Variants in CACNA1B observed in about 807,000 individuals in gnomAD.
CACNA1B encodes voltage-dependent N-type calcium channel subunit alpha-1B.
In CACNA1B, 70 loss-of-function variants were observed where a neutral mutation model predicts 247.2. The observed-to-expected ratio is 0.28, with a 90% CI of 0.23 to 0.35. The LOEUF (loss-of-function observed/expected upper bound fraction) is 0.35, where lower values mean the gene tolerates loss of function less well. Among genes scored for constraint, CACNA1B ranks in the 10% least tolerant of loss-of-function variants. The probability of loss-of-function intolerance (pLI) is 1.00; values close to 1 mark genes in which losing one functional copy is unlikely to be tolerated. For synonymous variants in CACNA1B, 1,231 were observed against 1,294.4 expected (o/e 0.95, Z 1.05); for missense variants, 2,367 against 3,197.4 (o/e 0.74, Z 6.26).
chr9:137,998,339 G>A (rs111490209), intron 15 of CACNA1B, among the ~76,000 whole-genome samples: 7 of 152,186 alleles, frequency 4.6e-5, no homozygotes, highest in African/African-American at 1.4e-4. Context: ...GGCCGGGCAC[G>A]GTGGCTCATG....
In CACNA1B at chr9:137,919,226, A is replaced by C. The variant is rs1408947253; in HGVS notation, c.966+1795A>C. Among the ~76,000 whole-genome samples the C allele has an allele frequency of 2.6e-5, 4 of 152,252 alleles. No individual in the cohort carries two copies. Among genetic ancestry groups the C allele is most frequent in the African/African-American group, 9.6e-5 (4 of 41,476 alleles). On this transcript the variant is annotated intron_variant, in intron 6 of 46. Coordinates refer to ENST00000371372, the MANE Select transcript of CACNA1B (RefSeq NM_000718.4). The surrounding 1 kb of genome is among the most constrained non-coding windows in gnomAD (Gnocchi z 4.6). ...GCCAGCATGTGTTTCAGTAGGACCC[A>C]GTGAGTGCTGGCTCCGCTTACACAG...
chr9:138,108,646 A>G (rs1414293589), intron 39 of CACNA1B, among the ~76,000 whole-genome samples: 2 of 151,570 alleles, frequency 1.3e-5, no homozygotes, highest in East Asian at 3.9e-4. Flanking sequence ...TCTTTAAGCA[A>G]ACTGAATTTT....
intron 15 of CACNA1B, among the ~76,000 whole-genome samples, chr9:137,993,424 A>G (rs1030877673): frequency 1.3e-5 from 2 of 152,194 alleles, no homozygotes; most frequent in African/African-American, 4.8e-5. Flanking sequence ...ATCTAGATAG[A>G]TAAAATTGAT....
chr9:138,102,683 C>T lies in CACNA1B; in HGVS notation c.5223-28C>T, dbSNP rs567770723. 5 of 1,494,900 alleles carry T rather than the reference C, an allele frequency of 3.3e-6. No individual in the cohort carries two copies. In the East Asian group the frequency reaches 9.1e-5, roughly 27 times the overall value. The allele number at this position is 1,494,900 out of a possible 1,614,324, so 92.6% of individuals were successfully genotyped here. Reference sequence around the variant, plus strand: ...TCCTCCTGTGGACCACCCCACTGTGCCCTGGCCTCGCTGGGACGGGTTTCC... The same window carrying T: ...TCCTCCTGTGGACCACCCCACTGTGTCCTGGCCTCGCTGGGACGGGTTTCC... On this transcript the variant is annotated intron_variant, in intron 37 of 46. Coordinates refer to ENST00000371372, the MANE Select transcript of CACNA1B (RefSeq NM_000718.4). The surrounding 1 kb of genome is among the most constrained non-coding windows in gnomAD (Gnocchi z 5.4).
At chr9:137,890,632 A>G (rs1957084962) in intron 3 of CACNA1B, 1 of 150,422 alleles carries the variant, frequency 6.6e-6, no homozygotes, top group Non-Finnish European at 1.5e-5. Flanking sequence ...GGCTCCAGGG[A>G]TGGGCGGTTC....
Position 138,073,657 on chromosome 9 carries a change from T to G in CACNA1B, c.4791+53T>G. 3 of 1,051,572 alleles carry G rather than the reference T, an allele frequency of 2.9e-6. No individual in the cohort carries two copies. Among genetic ancestry groups the G allele is most frequent in the Non-Finnish European group, 4.5e-6 (3 of 669,730 alleles). The allele number at this position is 1,051,572 out of a possible 1,614,324, so 65.1% of individuals were successfully genotyped here. On this transcript the variant is annotated intron_variant, in intron 33 of 46. Transcript: ENST00000371372. This position sits in a 1 kb window ranked among gnomAD's most constrained non-coding sequence, Gnocchi z 6.4. ...TTCTGTCCCCTTCCTCCGTCTTGCT[T>G]CCCCTGCCCCCACCACAGTGGCCCC...
intron 11 of CACNA1B, among the ~76,000 whole-genome samples, chr9:137,972,193 C>G (rs552482098): frequency 1.5e-4 from 22 of 148,366 alleles, no homozygotes; most frequent in African/African-American, 5.0e-4. Flanking sequence ...CCCCTCCAGG[C>G]CTGGTCTGTC....
intron 15 of CACNA1B, among the ~76,000 whole-genome samples, chr9:137,994,346 G>C (rs975711983): frequency 1.3e-5 from 2 of 152,184 alleles, no homozygotes; most frequent in African/African-American, 4.8e-5. Flanking sequence ...GTCCTAACCA[G>C]AGCAATCAGA....
intron 10 of CACNA1B, among the ~76,000 whole-genome samples, chr9:137,960,442 GAGGGGAGGT>G (rs1958006080): frequency 2.8e-5 from 1 of 36,296 alleles, no homozygotes; most frequent in Admixed American, 2.5e-4. Flanking sequence ...GACGGAGGGG[GAGGGGAGGT>G]CGGCCTGAAT....
chr9:137,914,824 C>T lies in CACNA1B; in HGVS notation c.775+18C>T. 1.9e-6 allele frequency: 3 copies of T among 1,613,250 alleles called. No individual in the cohort carries two copies. The highest frequency in any genetic ancestry group is 1.1e-5 in the South Asian group (1 of 90,920). The stretch of plus-strand genomic sequence containing the variant: ...CAGCACAGGTGAGGCCAGGCAGCAC[C>T]CTCCAGCACAGGCAAGTGCCACGGA... On this transcript the variant is annotated intron_variant, in intron 5 of 46. Coordinates refer to ENST00000371372, the MANE Select transcript of CACNA1B (RefSeq NM_000718.4). This position sits in a 1 kb window ranked among gnomAD's most constrained non-coding sequence, Gnocchi z 4.3.
At chr9:138,070,417 G>A (rs575786250) in intron 32 of CACNA1B, among the ~76,000 whole-genome samples, 2 of 152,350 alleles carry the variant, frequency 1.3e-5, no homozygotes, top group East Asian at 3.9e-4. Context: ...TCCCCCATTC[G>A]CATGTCACTG....
At chr9:137,987,118 G>A (rs1958373655) in intron 15 of CACNA1B, among the ~76,000 whole-genome samples, 1 of 150,692 alleles carries the variant, frequency 6.6e-6, no homozygotes, top group Non-Finnish European at 1.5e-5. Context: ...TTCCCGGGGG[G>A]CCCAGCTGGC....
rs1314289011 is a variant in CACNA1B at position 138,102,333 on chromosome 9, C to T, written c.5223-378C>T. Among the ~76,000 whole-genome samples, 3 of 152,166 alleles carry T rather than the reference C, an allele frequency of 2.0e-5. 1 individual carries two copies. In the South Asian group the frequency reaches 6.2e-4, roughly 32 times the overall value. On this transcript the variant is annotated intron_variant, in intron 37 of 46. Coordinates refer to ENST00000371372, the MANE Select transcript of CACNA1B (RefSeq NM_000718.4). The surrounding 1 kb of genome is among the most constrained non-coding windows in gnomAD (Gnocchi z 5.4). ...TCTGGCAGGGTGGACCAGCTCTTTT[C>T]TGATTGGCATTCACTGTGATTTTTA...
intron 35 of CACNA1B, 46 bp from the exon 36 acceptor site, chr9:138,078,068 C>T (rs1280828178): frequency 6.3e-7 from 1 of 1,592,164 alleles, no homozygotes; most frequent in African/African-American, 1.3e-5. Context: ...GGCTCGGGCT[C>T]CCTCAAGGGC....
Position 138,073,093 on chromosome 9 carries a change from C to T in CACNA1B, c.4675-395C>T, listed in dbSNP as rs1650964577. Among the ~76,000 whole-genome samples the T allele has an allele frequency of 6.6e-6, 1 of 152,194 alleles. No homozygotes were observed. Among genetic ancestry groups the T allele is most frequent in the Non-Finnish European group, 1.5e-5 (1 of 68,040 alleles). ...TGCTGGGTGGAGAAGCAGTCATGCC[C>T]AGCACGTGGCCAGCTTGACCGTGTC... On this transcript the variant is annotated intron_variant, in intron 32 of 46. Coordinates refer to ENST00000371372, the MANE Select transcript of CACNA1B (RefSeq NM_000718.4). The surrounding 1 kb of genome is among the most constrained non-coding windows in gnomAD (Gnocchi z 6.4).
chr9:138,063,638 G>C (rs1459898668), intron 31 of CACNA1B, among the ~76,000 whole-genome samples: 1 of 152,224 alleles, frequency 6.6e-6, no homozygotes, highest in Non-Finnish European at 1.5e-5. Flanking sequence ...TGCTCACCAG[G>C]TTGGCACCTG....
intron 6 of CACNA1B, among the ~76,000 whole-genome samples, chr9:137,925,945 G>A (rs1957545011): frequency 6.7e-6 from 1 of 149,298 alleles, no homozygotes; most frequent in Non-Finnish European, 1.5e-5. Context: ...TAGTAGAGAC[G>A]GGATTTCGCC....
chr9:138,084,844 C>T lies in CACNA1B; in HGVS notation c.5094+6586C>T, dbSNP rs552664479. 1.4e-3 allele frequency among the ~76,000 whole-genome samples: 217 copies of T among 149,980 alleles called. 1 individual carries two copies. Among genetic ancestry groups the T allele is most frequent in the Non-Finnish European group, 2.5e-3 (169 of 67,876 alleles). On this transcript the variant is annotated intron_variant, in intron 36 of 46. Coordinates refer to ENST00000371372, the MANE Select transcript of CACNA1B (RefSeq NM_000718.4). ...GTGGGCGCCTGTAGTCCCAGCTACT[C>T]GGGAGGCTGAGGCAAGAGAATGGCA... is the stretch of plus-strand genomic sequence containing the variant.
rs41277877 is a variant in CACNA1B at position 138,105,749 on chromosome 9, C to T, written c.5370C>T (p.His1790=). The change falls in exon 39 of 47, where the codon CAC becomes CAT. Residue 1790 remains histidine, a synonymous_variant. Transcript: ENST00000371372. The stretch of plus-strand genomic sequence containing the variant: ...TCTCCAACGAGGACATGACTGTTCA[C>T]TTCACGTCCACGCTGATGGCCCTCA... The part of the protein sequence containing the change: ...MPISNEDMTV[H]FTSTLMALIR... 1,575 of 1,568,246 alleles carry T rather than the reference C, an allele frequency of 1.0e-3. 7 individuals are homozygous for T. Among genetic ancestry groups the T allele is most frequent in the African/African-American group, 7.4e-3 (543 of 73,706 alleles).
Sources: gnomAD v4.1 joint callset for allele counts (sites outside exome capture counted in the v4.1 genomes callset) on GRCh38, gnomAD v4.1.1 for gene constraint, Gnocchi (gnomAD v3.1) non-coding constraint, MANE v1.5 for transcripts, NCBI Gene and HGNC (gene_info 2026-07-23, HGNC 2026-07-21) for gene names.